CCNY: variants seen among roughly 807,000 people sequenced by gnomAD.
CCNY encodes cyclin-Y.
CCNY carries 19 observed loss-of-function variants against 42.8 expected under a neutral mutation model. The ratio of observed to expected loss-of-function variants is 0.44; its 90% CI spans 0.31 to 0.65. The LOEUF (loss-of-function observed/expected upper bound fraction) is 0.65. Ranked by LOEUF, CCNY falls within the 30% of genes least tolerant of loss-of-function variation. The pLI is 0.07. For missense variants in CCNY, 370 were observed against 437.3 expected (o/e 0.85, Z 1.37); for synonymous variants, 165 against 162.7 (o/e 1.01, Z -0.11).
chr10:35,262,888 G>A (rs1355903767), intron 3 of CCNY, among the ~76,000 whole-genome samples: 3 of 149,826 alleles, frequency 2.0e-5, no homozygotes, highest in African/African-American at 7.4e-5. Context: ...AATGAAACAT[G>A]AAAAAAATTC....
At chr10:35,478,540 A>G (rs970925579) in intron 1 of CCNY, among the ~76,000 whole-genome samples, 15 of 152,234 alleles carry the variant, frequency 9.9e-5, no homozygotes, top group Non-Finnish European at 1.9e-4. Context: ...CTATGGGGAA[A>G]GGATTCCCTA....
At chr10:35,548,292 G>GTGTATA (rs1554800414) in intron 7 of CCNY, among the ~76,000 whole-genome samples, 4 of 143,828 alleles carry the variant, frequency 2.8e-5, no homozygotes, top group African/African-American at 7.6e-5. Flanking sequence ...ATATATTTAT[G>GTGTATA]TATATATATA....
At chr10:35,266,782 C>A (rs1422221292) in intron 3 of CCNY, among the ~76,000 whole-genome samples, 3 of 152,030 alleles carry the variant, frequency 2.0e-5, no homozygotes, top group Non-Finnish European at 2.9e-5. Context: ...TAGGGCTCTC[C>A]TTGAAAGATG....
At chr10:35,350,357 T>C (rs996029293) in intron 1 of CCNY, among the ~76,000 whole-genome samples, 7 of 152,224 alleles carry the variant, frequency 4.6e-5, no homozygotes, top group Admixed American at 6.5e-5. Flanking sequence ...ATTAGCTACT[T>C]CTGTATGTGT....
chr10:35,454,675 G>A (rs949227471), intron 1 of CCNY, among the ~76,000 whole-genome samples: 3 of 152,236 alleles, frequency 2.0e-5, no homozygotes, highest in South Asian at 4.1e-4. Flanking sequence ...TGCATGAGGT[G>A]CCCGGGGAGG....
At chr10:35,338,858 G>T (rs1313142254) in intron 1 of CCNY, among the ~76,000 whole-genome samples, 4 of 152,202 alleles carry the variant, frequency 2.6e-5, no homozygotes, top group African/African-American at 9.6e-5. Context: ...AGTTATTATA[G>T]ACTATTGTAA....
chr10:35,479,780 ACAT>A (rs1443330574), intron 1 of CCNY, among the ~76,000 whole-genome samples: 1 of 151,780 alleles, frequency 6.6e-6, no homozygotes, highest in Non-Finnish European at 1.5e-5. Flanking sequence ...AAAAAGAAAA[ACAT>A]CATAGAGGTG....
intron 1 of CCNY, among the ~76,000 whole-genome samples, chr10:35,382,823 T>G (rs1306467572): frequency 6.6e-6 from 1 of 152,144 alleles, no homozygotes; most frequent in Non-Finnish European, 1.5e-5. Flanking sequence ...ATTTAAGAGC[T>G]CAGTAATTAT....
intron 1 of CCNY, among the ~76,000 whole-genome samples, chr10:35,435,048 C>G (rs1320665519): frequency 1.3e-5 from 2 of 152,214 alleles, no homozygotes; most frequent in Non-Finnish European, 2.9e-5. Context: ...CAAAGCCCCC[C>G]TGCCTTGCAG....
intron 1 of CCNY, among the ~76,000 whole-genome samples, chr10:35,349,292 C>G (rs1194851802): frequency 6.6e-6 from 1 of 152,104 alleles, no homozygotes; most frequent in Non-Finnish European, 1.5e-5. Flanking sequence ...AGCCAGCTGC[C>G]TCATGGACAC....
At chr10:35,359,826 T>A (rs1236473164) in intron 1 of CCNY, among the ~76,000 whole-genome samples, 1 of 152,230 alleles carries the variant, frequency 6.6e-6, no homozygotes, top group Non-Finnish European at 1.5e-5. Context: ...TTTTGGTGCC[T>A]AAATTTGGAC....
chr10:35,458,745 G>T (rs753747084), intron 1 of CCNY, among the ~76,000 whole-genome samples: 8 of 152,214 alleles, frequency 5.3e-5, no homozygotes, highest in Non-Finnish European at 1.0e-4. Context: ...TGAATTGTGT[G>T]CACTGAAACT....
At position 35,570,551 on chromosome 10, in the gene CCNY, C is replaced by T. The variant is rs918577056; in HGVS notation, c.*1381C>T. ...TGATATGAAATCTAAGAGTGTGAGT[C>T]ACTTGCATATGTAATGCTTTGGGTT... On this transcript the variant is annotated 3_prime_UTR_variant, in exon 10 of 10. Transcript: ENST00000374704. The T allele has an allele frequency of 6.6e-6, 1 of 152,238 alleles. No homozygotes were observed. The highest frequency in any genetic ancestry group is 2.4e-5 in the African/African-American group (1 of 41,408). 9.4% of individuals were successfully genotyped at this position (152,238 alleles called of 1,614,324 possible). A position where few individuals can be genotyped will look rare whatever the true frequency, so the allele number is the denominator to read the frequency against.
intron 1 of CCNY, among the ~76,000 whole-genome samples, chr10:35,455,781 CTGATGGCTCCAAGGGA>C (rs1839015938): frequency 6.8e-6 from 1 of 146,180 alleles, no homozygotes; most frequent in Admixed American, 6.9e-5. Flanking sequence ...TAGTGATCCT[CTGATGGCTCCAAGGGA>C]TGCTTCCTTT....
chr10:35,354,255 A>G (rs1836493443), intron 1 of CCNY, among the ~76,000 whole-genome samples: 1 of 144,804 alleles, frequency 6.9e-6, no homozygotes. Flanking sequence ...GCGGGATCTC[A>G]GCTCACTGCA....
chr10:35,339,423 G>A (rs1836124850), intron 1 of CCNY, among the ~76,000 whole-genome samples: 1 of 151,950 alleles, frequency 6.6e-6, no homozygotes. Context: ...TAAATAGAGT[G>A]TATATATATA....
chr10:35,473,937 G>A (rs951871641), intron 1 of CCNY, among the ~76,000 whole-genome samples: 9 of 152,152 alleles, frequency 5.9e-5, no homozygotes, highest in African/African-American at 1.7e-4. Flanking sequence ...CAGTGGGTGC[G>A]CGCACCATGC....
In CCNY at chr10:35,247,453, T is replaced by C. The variant is rs188488715; in HGVS notation, c.-217+323T>C. ...TTTAAAAATTAGCCAGGCACGGTGGTGCACACCTGTAGTCCCAGCTACTTG... is the reference window on the plus strand; with the variant it reads ...TTTAAAAATTAGCCAGGCACGGTGGCGCACACCTGTAGTCCCAGCTACTTG... On this transcript the variant is annotated intron_variant, in intron 1 of 11. Transcript: ENST00000374706. 5.0e-3 allele frequency among the ~76,000 whole-genome samples: 756 copies of C among 151,938 alleles called. 9 individuals are homozygous for C. Among genetic ancestry groups the C allele is most frequent in the African/African-American group, 0.018 (731 of 41,428 alleles).
At chr10:35,354,242 T>C (rs1410193463) in intron 1 of CCNY, among the ~76,000 whole-genome samples, 2 of 150,998 alleles carry the variant, frequency 1.3e-5, no homozygotes, top group Admixed American at 6.6e-5. Context: ...CTGGAGTGTA[T>C]TGGCGGGATC....
Sources: allele counts gnomAD v4.1 joint callset (sites outside exome capture counted in the v4.1 genomes callset), GRCh38; gene constraint gnomAD v4.1.1; transcripts MANE v1.5; gene names NCBI Gene and HGNC (gene_info 2026-07-23, HGNC 2026-07-21).